Variants in ZNF536 observed in about 807,000 individuals in gnomAD.
ZNF536 encodes the protein zinc finger protein 536.
A neutral mutation model predicts 84.5 loss-of-function variants in ZNF536; 13 were observed. The ratio of observed to expected loss-of-function variants is 0.15; its 90% CI spans 0.10 to 0.24. The LOEUF is 0.24. ZNF536 is among the 10% of genes least tolerant of loss of function. The pLI is 1.00. For missense variants in ZNF536, 1,536 were observed against 1,747.5 expected (o/e 0.88, Z 2.16); for synonymous variants, 811 against 742.5 (o/e 1.09, Z -1.50).
chr19:30,356,756 A>G (rs1047845526), intron 3 of ZNF536, among the ~76,000 whole-genome samples: 8 of 152,232 alleles, frequency 5.3e-5, no homozygotes, highest in African/African-American at 1.9e-4. Flanking sequence ...TCGCATGTGC[A>G]TTTCTTGATA....
chr19:30,502,630 C>T (rs1185672722), intron 2 of ZNF536, among the ~76,000 whole-genome samples: 1 of 152,174 alleles, frequency 6.6e-6, no homozygotes, highest in Non-Finnish European at 1.5e-5. Context: ...CAGGGACCCA[C>T]ATCTTCTCAA....
At chr19:30,607,762 G>A (rs1276533947) in intron 1 of ZNF536, among the ~76,000 whole-genome samples, 2 of 150,606 alleles carry the variant, frequency 1.3e-5, no homozygotes, top group Non-Finnish European at 2.9e-5. Context: ...CTATGCATAT[G>A]TGTGTAACAT....
chr19:30,568,059 T>C (rs2046415764), intron 1 of ZNF536, among the ~76,000 whole-genome samples: 1 of 152,228 alleles, frequency 6.6e-6, no homozygotes, highest in South Asian at 2.1e-4. Flanking sequence ...CCTGTACCAG[T>C]CTGAAGGAAA....
chr19:30,272,900 C>T lies in ZNF536; in HGVS notation c.-189-11172C>T, dbSNP rs145417945. On this transcript the variant is annotated intron_variant, in intron 1 of 5. Coordinates refer to the ZNF536 transcript ENST00000585628. Reference sequence around the variant, plus strand: ...AAACATTCTGCTATAAACATTCATGCGCATTTTTTTTTAAATTTTTTACTT... The same window carrying T: ...AAACATTCTGCTATAAACATTCATGTGCATTTTTTTTTAAATTTTTTACTT... Among the ~76,000 whole-genome samples, 513 of 152,140 alleles carry T rather than the reference C, an allele frequency of 3.4e-3. 2 individuals are homozygous for T. The highest frequency in any genetic ancestry group is 0.012 in the African/African-American group (482 of 41,476).
chr19:30,246,047 G>A (rs1426275251), intron 1 of ZNF536, among the ~76,000 whole-genome samples: 2 of 152,172 alleles, frequency 1.3e-5, no homozygotes, highest in African/African-American at 2.4e-5. Context: ...TCGTGGAGAC[G>A]AGAGAAGATG....
At chr19:30,315,879 T>TC (rs2046661214) in intron 2 of ZNF536, among the ~76,000 whole-genome samples, 2 of 152,218 alleles carry the variant, frequency 1.3e-5, no homozygotes, top group African/African-American at 4.8e-5. Context: ...GAGATCTTAC[T>TC]ATACATATTG....
In ZNF536 at chr19:30,245,825, C is replaced by T. The variant is rs543519065; in HGVS notation, c.-190+17152C>T. On this transcript the variant is annotated intron_variant, in intron 1 of 5. Transcript: ENST00000585628. The stretch of plus-strand genomic sequence containing the variant: ...GGCCTTTTCTCTGAAGGTATTTCCC[C>T]GCCTATACCACTTGGTCTGAGGTTG... 5.9e-5 allele frequency among the ~76,000 whole-genome samples: 9 copies of T among 152,358 alleles called. No individual in the cohort carries two copies. The East Asian group carries it at 1.2e-3, about 20-fold the overall frequency.
rs11454529 is a variant in ZNF536 at position 30,606,170 on chromosome 19, T to TAAATAAAATA, written c.169+56673_169+56682dup. 1.6e-3 allele frequency among the ~76,000 whole-genome samples: 163 copies of TAAATAAAATA among 101,592 alleles called. 6 individuals are homozygous for TAAATAAAATA. The highest frequency in any genetic ancestry group is 3.2e-3 in the Admixed American group (27 of 8,458). The allele number at this position is 101,592 out of a possible 152,430, so 66.6% of individuals were successfully genotyped here. A position where few individuals can be genotyped will look rare whatever the true frequency, so the allele number is the denominator to read the frequency against. On this transcript the variant is annotated intron_variant, in intron 1 of 1. Coordinates refer to the ZNF536 transcript ENST00000592773. ...CCTCATCTCTAAAAATAAAATAAAA[T>TAAATAAAATA]AAATAAAATAAAATAAAATAAAATA...
intron 2 of ZNF536, among the ~76,000 whole-genome samples, chr19:30,291,767 G>T (rs958505225): frequency 6.6e-6 from 1 of 152,130 alleles, no homozygotes; most frequent in Admixed American, 6.5e-5. Flanking sequence ...TTTTATGCTA[G>T]CAGCCATCTT....
chr19:30,702,591 C>T (rs764928071), intron 1 of ZNF536, among the ~76,000 whole-genome samples: 9 of 152,092 alleles, frequency 5.9e-5, no homozygotes, highest in South Asian at 2.1e-4. Context: ...TCTTCTCCCA[C>T]GGAACGAGGG....
chr19:30,606,552 G>A (rs2047899523), intron 1 of ZNF536, among the ~76,000 whole-genome samples: 1 of 152,166 alleles, frequency 6.6e-6, no homozygotes, highest in Non-Finnish European at 1.5e-5. Context: ...ACCGTTGGGA[G>A]GCCACTTCAC....
At chr19:30,559,862 C>T (rs1020313272), downstream of ZNF536, among the ~76,000 whole-genome samples, 4 of 152,168 alleles carry the variant, frequency 2.6e-5, no homozygotes, top group Admixed American at 6.5e-5. Context: ...CTGGAAGACT[C>T]GGAAGCATTT....
chr19:30,338,857 A>G (rs559058951), intron 2 of ZNF536, among the ~76,000 whole-genome samples: 1 of 152,270 alleles, frequency 6.6e-6, no homozygotes, highest in South Asian at 2.1e-4. Flanking sequence ...TGGGCATGCT[A>G]GTTAACCTCT....
rs2052253519 is a variant in ZNF536, at chr19:30,445,048, C to T, written c.1486C>T (p.Pro496Ser). ...CCTCCTGGGATGCCTCAATCTCGTG[C>T]CGCCGCTGAAATCCAGCTGCATCGA... ...HSLLGCLNLV[P>S]PLKSSCIERL... is the part of the protein sequence containing the mutation. Residue 496 changes from proline to serine, a missense_variant, in exon 2 of 5, where the codon CCG becomes TCG. Physicochemically the swap from Pro to Ser is moderately conservative, Grantham distance 74. Around this residue, in one of 8 missense-constraint regions of ZNF536, gnomAD observed 366 missense variants for 364.4 expected, o/e 1.00. Transcript: ENST00000355537. The surrounding 1 kb of genome is among the most constrained non-coding windows in gnomAD (Gnocchi z 4.5). 6.2e-7 allele frequency: 1 copy of T among 1,613,358 alleles called. No homozygotes were observed. Among genetic ancestry groups the T allele is most frequent in the South Asian group, 1.1e-5 (1 of 91,062 alleles).
At chr19:30,296,788 G>A (rs1029477747) in intron 2 of ZNF536, among the ~76,000 whole-genome samples, 1 of 152,206 alleles carries the variant, frequency 6.6e-6, no homozygotes, top group Non-Finnish European at 1.5e-5. Context: ...GCACAGATGG[G>A]TGTGTGGTCT....
intron 1 of ZNF536, among the ~76,000 whole-genome samples, chr19:30,655,645 A>G (rs759266092): frequency 2.0e-5 from 3 of 152,174 alleles, no homozygotes; most frequent in Non-Finnish European, 4.4e-5. Flanking sequence ...AAAGATGGGG[A>G]GGGTTTGGCT....
intron 1 of ZNF536, among the ~76,000 whole-genome samples, chr19:30,661,271 C>T (rs746841067): frequency 6.6e-6 from 1 of 152,198 alleles, no homozygotes; most frequent in Non-Finnish European, 1.5e-5. Context: ...GACTGACTCT[C>T]TTAATTTAAT....
chr19:30,467,530 C>G (rs1208740648), intron 2 of ZNF536, among the ~76,000 whole-genome samples: 2 of 152,070 alleles, frequency 1.3e-5, no homozygotes, highest in Admixed American at 1.3e-4. Context: ...GATGGTGTGT[C>G]CTTTTGGCTG....
At chr19:30,502,717 T>C (rs2055001101) in intron 2 of ZNF536, among the ~76,000 whole-genome samples, 1 of 152,104 alleles carries the variant, frequency 6.6e-6, no homozygotes, top group Non-Finnish European at 1.5e-5. Flanking sequence ...TAAAAGAGCA[T>C]AAGCTGTCCG....
Sources: allele counts gnomAD v4.1 joint callset (sites outside exome capture counted in the v4.1 genomes callset), GRCh38; gene constraint gnomAD v4.1.1; regional missense constraint gnomAD v4.1.1; non-coding constraint Gnocchi (gnomAD v3.1); transcripts MANE v1.5; gene names NCBI Gene and HGNC (gene_info 2026-07-23, HGNC 2026-07-21).